Variants in ZEB2 observed in about 807,000 individuals in gnomAD.
ZEB2 encodes zinc finger E-box binding homeobox 2.
ZEB2 carries 6 observed loss-of-function variants against 99.9 expected under a neutral mutation model. The ratio of observed to expected loss-of-function variants is 0.06; its 90% CI spans 0.03 to 0.12. The LOEUF (loss-of-function observed/expected upper bound fraction) is 0.12, where lower values mean the gene tolerates loss of function less well. Ranked by LOEUF, ZEB2 falls within the 10% of genes least tolerant of loss-of-function variation. The pLI is 1.00. For missense variants in ZEB2, 969 were observed against 1,502.8 expected (o/e 0.64, Z 5.87); for synonymous variants, 517 against 542.5 (o/e 0.95, Z 0.65).
intron 3 of ZEB2, chr2:144,427,793 T>C (rs1189933601): frequency 2.6e-5 from 4 of 152,214 alleles, no homozygotes; most frequent in African/African-American, 9.6e-5. Flanking sequence ...ACATTTTATT[T>C]AATTATTGTG....
intron 5 of ZEB2, 94 bp from the exon 6 acceptor site, chr2:144,404,224 G>A: frequency 7.3e-7 from 1 of 1,372,252 alleles, no homozygotes; most frequent in Non-Finnish European, 1.0e-6. Context: ...GGTATGACAG[G>A]AATCACTGCA....
chr2:144,405,933 T>C (rs1170393944), intron 4 of ZEB2, among the ~76,000 whole-genome samples: 3 of 152,250 alleles, frequency 2.0e-5, no homozygotes, highest in Non-Finnish European at 2.9e-5. Context: ...ATTTTTATGC[T>C]AACAAAGTTG....
intron 1 of ZEB2, chr2:144,519,692 T>TG (rs1044440499): frequency 3.9e-5 from 12 of 305,158 alleles, no homozygotes; most frequent in African/African-American, 2.4e-4. Context: ...GGAAATTATT[T>TG]GGGGGAGGGA....
intron 2 of ZEB2, among the ~76,000 whole-genome samples, chr2:144,432,506 G>A (rs116802038): frequency 6.6e-6 from 1 of 151,976 alleles, no homozygotes; most frequent in African/African-American, 2.4e-5. Context: ...GCTCTTTCTG[G>A]TTGACCATCT....
At chr2:144,461,595 T>A (rs1362047053) in intron 2 of ZEB2, 4 of 152,172 alleles carry the variant, frequency 2.6e-5, no homozygotes. Flanking sequence ...AGTTTACAAG[T>A]CCTTCTGAAA....
intron 4 of ZEB2, among the ~76,000 whole-genome samples, chr2:144,405,529 G>A (rs1390328034): frequency 1.3e-5 from 2 of 151,848 alleles, no homozygotes; most frequent in East Asian, 3.9e-4. Context: ...CCCTCTGAAT[G>A]TCACAGACAG....
intron 2 of ZEB2, chr2:144,513,953 C>T: frequency 2.1e-6 from 3 of 1,412,886 alleles, no homozygotes; most frequent in East Asian, 2.6e-5. Flanking sequence ...TTCTTGTCTG[C>T]GGGCAACTCG....
At chr2:144,439,382 G>A (rs997011878) in intron 2 of ZEB2, among the ~76,000 whole-genome samples, 7 of 152,182 alleles carry the variant, frequency 4.6e-5, no homozygotes, top group African/African-American at 1.7e-4. Context: ...CAGGTGAGAC[G>A]GCCTGGTGCG....
At chr2:144,459,145 C>T (rs1338950848) in intron 2 of ZEB2, among the ~76,000 whole-genome samples, 1 of 152,152 alleles carries the variant, frequency 6.6e-6, no homozygotes. Flanking sequence ...TAACCCACGT[C>T]AGCCCAAGCT....
At position 144,396,402 on chromosome 2, in the gene ZEB2, T is replaced by C. The variant is rs750708165; in HGVS notation, c.3067+10A>G. On this transcript the variant is annotated intron_variant, in intron 9 of 9. Transcript: ENST00000627532. ...GGAAGCTCTAACCAGTTAGGCAAAGTCACTCATACCTGTGTGTTCGTATTT... is the reference window on the plus strand; with the variant it reads ...GGAAGCTCTAACCAGTTAGGCAAAGCCACTCATACCTGTGTGTTCGTATTT... 1.9e-6 allele frequency: 3 copies of C among 1,612,782 alleles called. No homozygotes were observed. In the South Asian group the frequency reaches 3.3e-5, roughly 18 times the overall value.
intron 9 of ZEB2, among the ~76,000 whole-genome samples, chr2:144,393,635 A>G (rs1285150677): frequency 6.6e-6 from 1 of 152,220 alleles, no homozygotes; most frequent in African/African-American, 2.4e-5. Context: ...CTAAATTTCC[A>G]CATACATCAC....
At chr2:144,442,782 T>C (rs542608063) in intron 2 of ZEB2, among the ~76,000 whole-genome samples, 1 of 152,296 alleles carries the variant, frequency 6.6e-6, no homozygotes, top group East Asian at 1.9e-4. Context: ...CTCAATACTA[T>C]TTTTGAACTT....
chr2:144,414,261 T>C (rs1703505207), intron 4 of ZEB2, among the ~76,000 whole-genome samples: 1 of 152,252 alleles, frequency 6.6e-6, no homozygotes, highest in South Asian at 2.1e-4. Context: ...TCTGCTATTC[T>C]TCTCATGTAT....
In ZEB2 at chr2:144,440,167, G is replaced by A. The variant is rs539013397; in HGVS notation, c.74-10141C>T. Among the ~76,000 whole-genome samples the A allele has an allele frequency of 7.2e-5, 11 of 152,272 alleles. 1 individual carries two copies. In the South Asian group the frequency reaches 2.3e-3, roughly 32 times the overall value. ...ATGTTTGGGCTGTTCACCAGCCTAT[G>A]AAATGCACAAAGGTTCAGGGAGGCT... On this transcript the variant is annotated intron_variant, in intron 2 of 9. Coordinates refer to ENST00000627532, the MANE Select transcript of ZEB2 (RefSeq NM_014795.4).
rs1455012876 is a variant in ZEB2, at chr2:144,500,946, A to G, written c.73+16332T>C. 2.0e-5 allele frequency among the ~76,000 whole-genome samples: 3 copies of G among 152,184 alleles called. No individual in the cohort carries two copies. In the East Asian group the frequency reaches 5.8e-4, roughly 29 times the overall value. The stretch of plus-strand genomic sequence containing the variant: ...GCCTATCTCATCTCTACACTATGAT[A>G]CAATAAGATCACATTCATGCTCCTG... On this transcript the variant is annotated intron_variant, in intron 2 of 9. Transcript: ENST00000627532.
At chr2:144,500,187 T>C (rs1352047726) in intron 2 of ZEB2, among the ~76,000 whole-genome samples, 1 of 152,192 alleles carries the variant, frequency 6.6e-6, no homozygotes, top group African/African-American at 2.4e-5. Flanking sequence ...TTACATTTTT[T>C]TTACTTTTAA....
Position 144,441,281 on chromosome 2 carries a change from C to A in ZEB2, c.74-11255G>T, listed in dbSNP as rs1363305766. Among the ~76,000 whole-genome samples, 5 of 151,692 alleles carry A rather than the reference C, an allele frequency of 3.3e-5. No individual in the cohort carries two copies. In the East Asian group the frequency reaches 9.7e-4, roughly 29 times the overall value. On this transcript the variant is annotated intron_variant, in intron 2 of 9. Coordinates refer to ENST00000627532, the MANE Select transcript of ZEB2 (RefSeq NM_014795.4). ...ATTCCCCTTCCCTGCCGCCTTCTGTCATTTTCAGGTAGTGGAATTTGCTGA... is the reference window on the plus strand; with the variant it reads ...ATTCCCCTTCCCTGCCGCCTTCTGTAATTTTCAGGTAGTGGAATTTGCTGA...
chr2:144,458,903 TAA>T (rs1458545757), intron 2 of ZEB2, among the ~76,000 whole-genome samples: 8 of 152,174 alleles, frequency 5.3e-5, no homozygotes, highest in African/African-American at 1.7e-4. Context: ...AAAGAATTGA[TAA>T]AAGACGTAAG....
chr2:144,400,864 A>G (rs1490766172), intron 7 of ZEB2, among the ~76,000 whole-genome samples: 2 of 152,184 alleles, frequency 1.3e-5, no homozygotes, highest in Non-Finnish European at 2.9e-5. Flanking sequence ...TCAAAAATTA[A>G]TATCTTTCAG....
Sources: allele counts gnomAD v4.1 joint callset (sites outside exome capture counted in the v4.1 genomes callset), GRCh38; gene constraint gnomAD v4.1.1; transcripts MANE v1.5; gene names NCBI Gene and HGNC (gene_info 2026-07-23, HGNC 2026-07-21).